HSD17B3: variants seen among roughly 807,000 people sequenced by gnomAD.
HSD17B3 encodes the protein 17-beta-hydroxysteroid dehydrogenase type 3.
Under a neutral mutation model 41.1 loss-of-function variants are expected in HSD17B3, and 29 were observed. The observed-to-expected ratio is 0.71, with a 90% CI of 0.53 to 0.96. HSD17B3 has a LOEUF of 0.96. Among genes scored for constraint, HSD17B3 ranks in the 40% least tolerant of loss-of-function variants. The pLI, the probability that HSD17B3 is intolerant of heterozygous loss-of-function variation, is 0.00. For missense variants in HSD17B3, 323 were observed against 374.6 expected (o/e 0.86, Z 1.14); for synonymous variants, 126 against 145.6 (o/e 0.87, Z 0.97).
At chr9:96,257,408 C>A (rs945209585) in intron 2 of HSD17B3, among the ~76,000 whole-genome samples, 3 of 151,108 alleles carry the variant, frequency 2.0e-5, no homozygotes, top group Non-Finnish European at 4.4e-5. Context: ...CACCCCTAGG[C>A]TCCCACCACC....
chr9:96,276,329 T>C (rs1826459451), intron 2 of HSD17B3, among the ~76,000 whole-genome samples: 2 of 152,098 alleles, frequency 1.3e-5, no homozygotes, highest in African/African-American at 2.4e-5. Flanking sequence ...GTGCATACTA[T>C]TGAAAATAAC....
intron 10 of HSD17B3, among the ~76,000 whole-genome samples, chr9:96,236,702 T>A (rs1452162334): frequency 6.6e-6 from 1 of 152,004 alleles, no homozygotes; most frequent in Admixed American, 6.6e-5. Context: ...CACTTGCTTT[T>A]CAAAGAGGGG....
At position 96,281,368 on chromosome 9, in the gene HSD17B3, G is replaced by A. The variant is rs548523368; in HGVS notation, c.201+17048C>T. Among the ~76,000 whole-genome samples the A allele has an allele frequency of 5.9e-5, 9 of 152,178 alleles. No individual in the cohort carries two copies. In the South Asian group the frequency reaches 1.7e-3, roughly 28 times the overall value. On this transcript the variant is annotated intron_variant, in intron 2 of 10. Transcript: ENST00000375263. ...TTGGGTAAGTGGGGCGCATTTACCCGGGTAAAGGATGGGGCTGGGTTAGAG... is the reference window on the plus strand; with the variant it reads ...TTGGGTAAGTGGGGCGCATTTACCCAGGTAAAGGATGGGGCTGGGTTAGAG...
chr9:96,238,402 C>T lies in HSD17B3; in HGVS notation c.822+2356G>A, dbSNP rs1430677629. ...TTTGGCTGGGTGTGGTGGCTCACGC[C>T]TGTAATCCCAGCACTTTGGGAGGTC... On this transcript the variant is annotated intron_variant, in intron 10 of 10. Transcript: ENST00000375263. Among the ~76,000 whole-genome samples the T allele has an allele frequency of 3.3e-5, 5 of 152,020 alleles. No individual in the cohort carries two copies. The East Asian group carries it at 9.7e-4, about 30-fold the overall frequency.
chr9:96,243,425 G>A (rs553474914), intron 9 of HSD17B3, among the ~76,000 whole-genome samples: 1 of 152,162 alleles, frequency 6.6e-6, no homozygotes, highest in African/African-American at 2.4e-5. Flanking sequence ...ACTCATATCT[G>A]CCTACTTAAT....
At chr9:96,237,972 A>G (rs1836293938) in intron 10 of HSD17B3, among the ~76,000 whole-genome samples, 1 of 152,014 alleles carries the variant, frequency 6.6e-6, no homozygotes, top group Non-Finnish European at 1.5e-5. Context: ...TCTACCAAAA[A>G]AAAAATTAAA....
intron 2 of HSD17B3, among the ~76,000 whole-genome samples, chr9:96,261,127 T>C (rs1264980314): frequency 1.3e-5 from 2 of 152,192 alleles, no homozygotes; most frequent in East Asian, 3.9e-4. Flanking sequence ...GCTCAAACTG[T>C]AGACTGATCT....
intron 2 of HSD17B3, among the ~76,000 whole-genome samples, chr9:96,269,909 G>GAAAAA (rs59947729): frequency 9.6e-5 from 10 of 103,878 alleles, no homozygotes; most frequent in African/African-American, 1.5e-4. Flanking sequence ...ATCTTAAAAA[G>GAAAAA]AAAAAAAAAA....
At chr9:96,246,427 G>T in intron 7 of HSD17B3, 129 bp downstream of exon 7, 1 of 825,534 alleles carries the variant, frequency 1.2e-6, no homozygotes. Context: ...ATCACCGTGT[G>T]CTTTCATCAT....
At chr9:96,277,335 T>G (rs1564052317) in intron 2 of HSD17B3, among the ~76,000 whole-genome samples, 1 of 152,194 alleles carries the variant, frequency 6.6e-6, no homozygotes, top group East Asian at 1.9e-4. Context: ...GGATTGATAT[T>G]CAAACTATAT....
chr9:96,287,632 C>T (rs1287755562), intron 2 of HSD17B3, among the ~76,000 whole-genome samples: 1 of 152,118 alleles, frequency 6.6e-6, no homozygotes, highest in Non-Finnish European at 1.5e-5. Context: ...ATCACTTGAA[C>T]CCGGGAGGCA....
chr9:96,293,678 T>TGA (rs1251501363), intron 2 of HSD17B3, among the ~76,000 whole-genome samples: 1 of 151,468 alleles, frequency 6.6e-6, no homozygotes, highest in African/African-American at 2.4e-5. Context: ...TGTGTGTGTG[T>TGA]GACACACATC....
intron 1 of HSD17B3, among the ~76,000 whole-genome samples, chr9:96,300,560 T>C (rs1027146534): frequency 1.9e-5 from 2 of 104,646 alleles, no homozygotes; most frequent in African/African-American, 6.5e-5. Context: ...CTATTTTGCC[T>C]AGATAATATC....
At chr9:96,235,659 G>T in intron 10 of HSD17B3, 89 bp from the exon 11 acceptor site, 1 of 1,040,040 alleles carries the variant, frequency 9.6e-7, no homozygotes, top group South Asian at 1.4e-5. Context: ...ATTTTTTTCT[G>T]ACTACTAAAG....
intron 2 of HSD17B3, among the ~76,000 whole-genome samples, chr9:96,292,421 C>T (rs1025262124): frequency 1.3e-5 from 2 of 152,154 alleles, no homozygotes; most frequent in African/African-American, 4.8e-5. Context: ...AGCTGGAGTG[C>T]AATGGCACAA....
chr9:96,251,144 G>T (rs1836884880), intron 5 of HSD17B3: 3 of 526,920 alleles, frequency 5.7e-6, no homozygotes, highest in Non-Finnish European at 1.0e-5. Context: ...AAAGTAGAGT[G>T]CAGCACCCCA....
intron 2 of HSD17B3, among the ~76,000 whole-genome samples, chr9:96,289,712 C>A (rs79615362): frequency 0.014 from 2,130 of 152,234 alleles, 40 homozygotes; most frequent in South Asian, 0.066. Context: ...GAGGGGGGCG[C>A]CCGAGAACAC....
chr9:96,270,915 TACAA>T (rs1826214129), intron 2 of HSD17B3, among the ~76,000 whole-genome samples: 2 of 126,828 alleles, frequency 1.6e-5, no homozygotes, highest in South Asian at 5.5e-4. Flanking sequence ...TAATATTTCA[TACAA>T]ACAAGTGTAG....
chr9:96,255,010 T>A, intron 2 of HSD17B3, 67 bp from the exon 3 acceptor site: 2 of 1,370,984 alleles, frequency 1.5e-6, no homozygotes, highest in Non-Finnish European at 2.1e-6. Flanking sequence ...TGTGTTAAGG[T>A]GACTTGGTCC....
Sources: gnomAD v4.1 joint callset for allele counts (sites outside exome capture counted in the v4.1 genomes callset) on GRCh38, gnomAD v4.1.1 for gene constraint, MANE v1.5 for transcripts, NCBI Gene and HGNC (gene_info 2026-07-23, HGNC 2026-07-21) for gene names.